Variants in ZNF286A observed in about 807,000 individuals in gnomAD.
ZNF286A encodes zinc finger protein 286A.
In ZNF286A, 34 loss-of-function variants were observed where a neutral mutation model predicts 49.3. The ratio of observed to expected loss-of-function variants is 0.69; its 90% CI spans 0.52 to 0.92. The LOEUF is 0.92. Among genes scored for constraint, ZNF286A ranks in the 40% least tolerant of loss-of-function variants. The pLI is 0.00. For missense variants in ZNF286A, 462 were observed against 600.2 expected (o/e 0.77, Z 2.41); for synonymous variants, 155 against 200.4 (o/e 0.77, Z 1.91).
Position 15,707,965 on chromosome 17 carries a change from A to G in ZNF286A, c.242-190A>G, listed in dbSNP as rs139446324. On this transcript the variant is annotated intron_variant, in intron 4 of 5. Transcript: ENST00000583566. ...CCGGAGTTCGAGACCTGCCTGGGCA[A>G]TATAGTGAGATCCCATTAACTTTAA... 1.7e-3 allele frequency among the ~76,000 whole-genome samples: 265 copies of G among 152,314 alleles called. 2 individuals carry two copies. Among genetic ancestry groups the G allele is most frequent in the Admixed American group, 0.013 (193 of 15,296 alleles).
In ZNF286A at chr17:15,703,724, TA is replaced by T. The variant is rs990384859; in HGVS notation, c.126+2491del. ...ATTCTGTATATAGGATGTGGCTTTT[TA>T]AAAAAACCTTTTTATAAGGGAAATT... On this transcript the variant is annotated intron_variant, in intron 3 of 5. Coordinates refer to ENST00000583566, the MANE Select transcript of ZNF286A (RefSeq NM_001130842.2). Among the ~76,000 whole-genome samples the T allele has an allele frequency of 1.2e-3, 184 of 152,306 alleles. 1 individual carries two copies. The highest frequency in any genetic ancestry group is 2.2e-3 in the Non-Finnish European group (152 of 68,024).
chr17:15,708,439 G>A (rs1430540995), intron 5 of ZNF286A, 192 bp downstream of exon 5: 10 of 408,008 alleles, frequency 2.5e-5, no homozygotes, highest in Middle Eastern at 6.1e-4. Context: ...GATTAGACAC[G>A]TACTAATATT....
At chr17:15,699,799 C>T (rs1001465554) in intron 1 of ZNF286A, 22 bp downstream of exon 1, 5 of 702,750 alleles carry the variant, frequency 7.1e-6, no homozygotes, top group African/African-American at 5.2e-5. Context: ...GTGGTGATGT[C>T]GCTCGTCTCG....
chr17:15,707,802 C>T (rs1223766069), intron 4 of ZNF286A, among the ~76,000 whole-genome samples: 1 of 152,120 alleles, frequency 6.6e-6, no homozygotes, highest in African/African-American at 2.4e-5. Context: ...GAGGTTGAGA[C>T]CATATTCCGG....
intron 3 of ZNF286A, chr17:15,704,789 C>T: frequency 1.2e-6 from 2 of 1,613,966 alleles, no homozygotes; most frequent in Non-Finnish European, 1.7e-6. Context: ...GTGAGGTCCT[C>T]CTCGTTGGGA....
chr17:15,709,316 C>T (rs1160486716), intron 5 of ZNF286A, among the ~76,000 whole-genome samples: 2 of 145,868 alleles, frequency 1.4e-5, no homozygotes, highest in Non-Finnish European at 3.0e-5. Context: ...ATGGTGAAAC[C>T]CCGTCTCTAC....
At chr17:15,710,525 A>G (rs947935710) in intron 5 of ZNF286A, among the ~76,000 whole-genome samples, 3 of 152,184 alleles carry the variant, frequency 2.0e-5, no homozygotes, top group Non-Finnish European at 2.9e-5. Flanking sequence ...CCAGTTCCTC[A>G]GCATACTTAG....
At chr17:15,701,529 A>G (rs1989774943) in intron 3 of ZNF286A, 3 of 264,110 alleles carry the variant, frequency 1.1e-5, no homozygotes, top group Admixed American at 9.4e-5. Flanking sequence ...AATGTGAGAA[A>G]CTATTTTAAA....
At chr17:15,699,969 G>A in intron 1 of ZNF286A, 166 bp from the exon 2 acceptor site, 1 of 619,018 alleles carries the variant, frequency 1.6e-6, no homozygotes, top group Non-Finnish European at 2.9e-6. Context: ...GGGCGGGGTG[G>A]TCGCGGGGTT....
chr17:15,715,699 G>A (rs1281842943), intron 5 of ZNF286A, among the ~76,000 whole-genome samples: 1 of 152,074 alleles, frequency 6.6e-6, no homozygotes, highest in Non-Finnish European at 1.5e-5. Flanking sequence ...ATGGTTATGT[G>A]CCTAGAAATT....
intron 3 of ZNF286A, among the ~76,000 whole-genome samples, chr17:15,701,813 G>A (rs1989794553): frequency 6.6e-6 from 1 of 152,144 alleles, no homozygotes; most frequent in Admixed American, 6.5e-5. Flanking sequence ...CTCCCAAAAG[G>A]TAAATATGAC....
chr17:15,709,277 G>A (rs1990468675), intron 5 of ZNF286A, among the ~76,000 whole-genome samples: 1 of 144,894 alleles, frequency 6.9e-6, no homozygotes, highest in Admixed American at 6.9e-5. Context: ...ATCACCTGAG[G>A]TCAGAAATTT....
rs1477317496 is a variant in ZNF286A at position 15,717,159 on chromosome 17, T to C, written c.1435T>C (p.Ser479Pro). ...GTGTGGAAAAGCCTTCATTCATTCA[T>C]CAGCTCTCATTCAACATCAGAGAAC... ...SECGKAFIHS[S>P]ALIQHQRTHT... Residue 479 changes from serine to proline, a missense_variant, in exon 6 of 6, where the codon TCA becomes CCA. Physicochemically the swap from Ser to Pro is moderately conservative, Grantham distance 74. This residue lies in a region of ZNF286A where 201 missense variants were observed against 311.3 expected (regional missense o/e 0.65). Transcript: ENST00000583566. 1 of 1,611,338 alleles carries C rather than the reference T, an allele frequency of 6.2e-7. No homozygotes were observed. Among genetic ancestry groups the C allele is most frequent in the African/African-American group, 1.3e-5 (1 of 74,736 alleles).
chr17:15,706,847 C>T (rs1447063999), intron 4 of ZNF286A, among the ~76,000 whole-genome samples: 2 of 152,074 alleles, frequency 1.3e-5, no homozygotes, highest in Admixed American at 6.5e-5. Context: ...TAGCTTTATT[C>T]CTAGGATTTC....
intron 3 of ZNF286A, among the ~76,000 whole-genome samples, chr17:15,703,894 T>A (rs1256309608): frequency 6.6e-6 from 1 of 152,098 alleles, no homozygotes. Flanking sequence ...TTCTGGCTTT[T>A]TCTTCTAATT....
rs749565798 is a variant in ZNF286A, at chr17:15,716,640, A to G, written c.916A>G (p.Thr306Ala). 3 of 1,613,970 alleles carry G rather than the reference A, an allele frequency of 1.9e-6. No individual in the cohort carries two copies. Among genetic ancestry groups the G allele is most frequent in the African/African-American group, 2.7e-5 (2 of 74,922 alleles). ...CTTTGAATGCAGTGAATGCAAGAAA[A>G]CCTTCACAGAAAGCTCATCCCTTGC... ...ILFECSECKKTFTESSSLATH... is the reference protein window; with the variant it reads ...ILFECSECKKAFTESSSLATH... Residue 306 changes from threonine to alanine, a missense_variant, in exon 6 of 6, where the codon ACC becomes GCC. Thr to Ala is a moderately conservative substitution (Grantham distance 58). Coordinates refer to ENST00000583566, the MANE Select transcript of ZNF286A (RefSeq NM_001130842.2).
At position 15,716,095 on chromosome 17, in the gene ZNF286A, C is replaced by T. The variant is rs1013088292; in HGVS notation, c.371C>T (p.Ser124Leu). 1.2e-6 allele frequency: 2 copies of T among 1,613,742 alleles called. No individual in the cohort carries two copies. The highest frequency in any genetic ancestry group is 1.7e-6 in the Non-Finnish European group (2 of 1,179,826). Residue 124 changes from serine to leucine, a missense_variant, in exon 6 of 6, where the codon TCA becomes TTA. Physicochemically the swap from Ser to Leu is moderately radical, Grantham distance 145. Transcript: ENST00000583566. The part of the protein sequence containing the change: ...ETRPQSKDST[S>L]VQDFSKAESC... ...AGACCACAGAGCAAGGATTCAACTTCAGTGCAAGATTTTTCCAAAGCAGAA... is the reference window on the plus strand; with the variant it reads ...AGACCACAGAGCAAGGATTCAACTTTAGTGCAAGATTTTTCCAAAGCAGAA...
Position 15,716,876 on chromosome 17 carries a change from T to G in ZNF286A, c.1152T>G (p.Cys384Trp). The stretch of plus-strand genomic sequence containing the variant: ...ATACTGGAGAGAAACCTTATAAATG[T>G]CAAGAATGTGGGAAAGCCTTTAGCC... Reference protein sequence around the residue: ...RTHTGEKPYKCQECGKAFSHC... With the variant: ...RTHTGEKPYKWQECGKAFSHC... The change falls in exon 6 of 6, where the codon TGT (cysteine) becomes TGG (tryptophan). Residue 384 changes from cysteine to tryptophan, a missense_variant. Around this residue, in one of 3 missense-constraint regions of ZNF286A, gnomAD observed 201 missense variants for 311.3 expected, o/e 0.65. Coordinates refer to ENST00000583566, the MANE Select transcript of ZNF286A (RefSeq NM_001130842.2). 1 of 1,609,078 alleles carries G rather than the reference T, an allele frequency of 6.2e-7. No individual in the cohort carries two copies. The highest frequency in any genetic ancestry group is 8.5e-7 in the Non-Finnish European group (1 of 1,177,260).
intron 5 of ZNF286A, 46 bp from the exon 6 acceptor site, chr17:15,716,013 T>C (rs765623028): frequency 2.5e-5 from 40 of 1,613,204 alleles, no homozygotes; most frequent in Non-Finnish European, 3.2e-5. Context: ...TGCCTTTTTG[T>C]TGAGCACAGA....
Sources: allele counts gnomAD v4.1 joint callset (sites outside exome capture counted in the v4.1 genomes callset), GRCh38; gene constraint gnomAD v4.1.1; regional missense constraint gnomAD v4.1.1; transcripts MANE v1.5; gene names NCBI Gene and HGNC (gene_info 2026-07-23, HGNC 2026-07-21).